NAV2: variants seen among roughly 807,000 people sequenced by gnomAD.
NAV2 encodes helicase, APC down-regulated 1.
NAV2 carries 54 observed loss-of-function variants against 223.2 expected under a neutral mutation model. The ratio of observed to expected loss-of-function variants is 0.24; its 90% CI spans 0.19 to 0.30. The LOEUF (loss-of-function observed/expected upper bound fraction) is 0.30, where lower values mean the gene tolerates loss of function less well. NAV2 is among the 10% of genes least tolerant of loss of function. The pLI is 1.00. For missense variants in NAV2, 2,806 were observed against 3,147.5 expected, an observed-to-expected ratio of 0.89 and a Z score of 2.60; for synonymous variants, 1,279 against 1,239.3, an observed-to-expected ratio of 1.03 and a Z score of -0.67.
chr11:19,838,888 T>C (rs2060371989), intron 2 of NAV2, among the ~76,000 whole-genome samples: 2 of 152,306 alleles, frequency 1.3e-5, no homozygotes, highest in Admixed American at 6.5e-5. Flanking sequence ...CCTCCCAAAG[T>C]GCTGGGATTA....
At chr11:19,541,468 G>T (rs973921307) in intron 1 of NAV2, among the ~76,000 whole-genome samples, 1 of 152,232 alleles carries the variant, frequency 6.6e-6, no homozygotes, top group Non-Finnish European at 1.5e-5. Context: ...GCCCATCTTT[G>T]GGAACTGCCA....
At chr11:19,909,258 G>A (rs2043120210) in intron 6 of NAV2, among the ~76,000 whole-genome samples, 1 of 152,038 alleles carries the variant, frequency 6.6e-6, no homozygotes, top group African/African-American at 2.4e-5. Flanking sequence ...GTTCATATGG[G>A]ATGGGACTGT....
chr11:19,534,471 G>A (rs1245302994), intron 1 of NAV2, among the ~76,000 whole-genome samples: 3 of 152,234 alleles, frequency 2.0e-5, no homozygotes, highest in African/African-American at 4.8e-5. Flanking sequence ...CGAGCTCAGT[G>A]TCTCATGGAA....
intron 1 of NAV2, among the ~76,000 whole-genome samples, chr11:19,689,944 G>A (rs1366415022): frequency 1.3e-5 from 2 of 152,148 alleles, no homozygotes; most frequent in Non-Finnish European, 2.9e-5. Context: ...CTTATGTGTT[G>A]ACTTGATTCA....
chr11:19,585,280 C>T (rs1474822728), intron 1 of NAV2, among the ~76,000 whole-genome samples: 3 of 152,214 alleles, frequency 2.0e-5, no homozygotes, highest in South Asian at 2.1e-4. Flanking sequence ...TGTCTCTACC[C>T]GTGAGATGGG....
At chr11:19,919,597 C>A (rs935580067) in intron 6 of NAV2, among the ~76,000 whole-genome samples, 3 of 152,154 alleles carry the variant, frequency 2.0e-5, no homozygotes, top group African/African-American at 7.2e-5. Context: ...GACAGTTCTC[C>A]CTTTCTCCAT....
At position 19,993,996 on chromosome 11, in the gene NAV2, G is replaced by A. The variant is rs61360653; in HGVS notation, c.2768+9749G>A. Among the ~76,000 whole-genome samples the A allele has an allele frequency of 1.3e-3, 199 of 152,266 alleles. 2 individuals carry two copies. Among genetic ancestry groups the A allele is most frequent in the African/African-American group, 4.5e-3 (185 of 41,562 alleles). On this transcript the variant is annotated intron_variant, in intron 11 of 37. Transcript: ENST00000349880. The stretch of plus-strand genomic sequence containing the variant: ...AAAGACCTAAGTAAGCCATTGTAAC[G>A]TGATGTGCCAAGTGCTATAGAGACT...
At chr11:19,996,552 C>G (rs1002363072) in intron 11 of NAV2, among the ~76,000 whole-genome samples, 1 of 152,202 alleles carries the variant, frequency 6.6e-6, no homozygotes, top group African/African-American at 2.4e-5. Context: ...GGACATTTAA[C>G]TGTTTTATTG....
rs373862637 is a variant in NAV2, at chr11:19,748,091, C to T, written c.267+34129C>T. Among the ~76,000 whole-genome samples the T allele has an allele frequency of 2.9e-4, 44 of 152,298 alleles. No homozygotes were observed. In the East Asian group the frequency reaches 5.4e-3, roughly 19 times the overall value. On this transcript the variant is annotated intron_variant, in intron 1 of 37. Coordinates refer to ENST00000349880, the MANE Select transcript of NAV2 (RefSeq NM_145117.5). Reference sequence around the variant, plus strand: ...AAGGCTCTGATGTCAAACGAGGCAGCTCTGAGGCTGTGGGCAGTGCTGACC... The same window carrying T: ...AAGGCTCTGATGTCAAACGAGGCAGTTCTGAGGCTGTGGGCAGTGCTGACC...
chr11:20,020,676 G>T (rs2054423500), intron 11 of NAV2, among the ~76,000 whole-genome samples: 1 of 152,186 alleles, frequency 6.6e-6, no homozygotes, highest in South Asian at 2.1e-4. Context: ...TAAAAATCAT[G>T]TGTAATCAAA....
intron 1 of NAV2, among the ~76,000 whole-genome samples, chr11:19,561,051 C>A (rs569145061): frequency 6.6e-6 from 1 of 152,316 alleles, no homozygotes; most frequent in South Asian, 2.1e-4. Flanking sequence ...TCCGTTAAGA[C>A]CAGTGTTCTT....
intron 1 of NAV2, among the ~76,000 whole-genome samples, chr11:19,461,221 C>T (rs560460539): frequency 1.3e-5 from 2 of 152,228 alleles, no homozygotes; most frequent in East Asian, 3.9e-4. Context: ...TGGAGATTCC[C>T]TTCTCAGCCT....
intron 1 of NAV2, chr11:19,777,942 A>T (rs1026015033): frequency 2.2e-6 from 1 of 455,436 alleles, no homozygotes; most frequent in South Asian, 1.6e-5. Context: ...ATTGATCTCT[A>T]CTGCGGTTTG....
intron 1 of NAV2, among the ~76,000 whole-genome samples, chr11:19,538,394 A>G (rs1590448716): frequency 6.6e-6 from 1 of 152,242 alleles, no homozygotes; most frequent in East Asian, 1.9e-4. Context: ...ATGCTGGAGT[A>G]CAGTGGGGCA....
intron 24 of NAV2, among the ~76,000 whole-genome samples, chr11:20,078,310 C>T (rs948574862): frequency 6.6e-6 from 1 of 152,186 alleles, no homozygotes; most frequent in African/African-American, 2.4e-5. Context: ...TCATCTTCTT[C>T]TCTGATATAT....
chr11:20,020,685 A>G (rs1278142536), intron 11 of NAV2, among the ~76,000 whole-genome samples: 1 of 152,244 alleles, frequency 6.6e-6, no homozygotes, highest in Non-Finnish European at 1.5e-5. Flanking sequence ...TGTGTAATCA[A>G]AACGATATGT....
chr11:19,967,687 A>AAT (rs1392399652), intron 10 of NAV2, among the ~76,000 whole-genome samples: 1 of 152,194 alleles, frequency 6.6e-6, no homozygotes. Flanking sequence ...TGTTCCTGGG[A>AAT]ATATTCACTC....
At chr11:19,915,848 G>A (rs1024306315) in intron 6 of NAV2, among the ~76,000 whole-genome samples, 10 of 152,158 alleles carry the variant, frequency 6.6e-5, no homozygotes, top group East Asian at 1.9e-4. Flanking sequence ...ATACAGAGAC[G>A]TTAAAGTATT....
chr11:19,491,197 C>T (rs992197094), intron 1 of NAV2, among the ~76,000 whole-genome samples: 1 of 152,094 alleles, frequency 6.6e-6, no homozygotes, highest in Non-Finnish European at 1.5e-5. Flanking sequence ...TGGGCATTGG[C>T]ATCAACTTCA....
Sources: gnomAD v4.1 joint callset for allele counts (sites outside exome capture counted in the v4.1 genomes callset) on GRCh38, gnomAD v4.1.1 for gene constraint, MANE v1.5 for transcripts, NCBI Gene and HGNC (gene_info 2026-07-23, HGNC 2026-07-21) for gene names.